CDH2: variants seen among roughly 807,000 people sequenced by gnomAD.
CDH2 encodes the protein cadherin-2.
Under a neutral mutation model 92.0 loss-of-function variants are expected in CDH2, and 17 were observed. The ratio of observed to expected loss-of-function variants is 0.18; its 90% CI spans 0.13 to 0.28. The LOEUF (loss-of-function observed/expected upper bound fraction) is 0.28. CDH2 is among the 10% of genes least tolerant of loss of function. The pLI is 1.00. For synonymous variants in CDH2, 419 were observed against 415.9 expected, an observed-to-expected ratio of 1.01 and a Z score of -0.09; for missense variants, 862 against 1,133.1, an observed-to-expected ratio of 0.76 and a Z score of 3.44.
At chr18:28,106,918 C>T (rs189511624) in intron 2 of CDH2, among the ~76,000 whole-genome samples, 2 of 152,148 alleles carry the variant, frequency 1.3e-5, no homozygotes, top group Admixed American at 1.3e-4. Flanking sequence ...AAATTATATA[C>T]AAAGGGACAA....
chr18:28,083,083 A>C (rs146897718), intron 2 of CDH2, among the ~76,000 whole-genome samples: 1 of 152,306 alleles, frequency 6.6e-6, no homozygotes, highest in Non-Finnish European at 1.5e-5. Flanking sequence ...GACTTGGTAA[A>C]ACATGCTTGT....
intron 1 of CDH2, among the ~76,000 whole-genome samples, chr18:28,152,027 A>C (rs565610931): frequency 6.6e-6 from 1 of 152,330 alleles, no homozygotes; most frequent in Admixed American, 6.5e-5. Flanking sequence ...CTTGCTTAAA[A>C]GCATTTGAAA....
intron 2 of CDH2, among the ~76,000 whole-genome samples, chr18:28,025,022 T>C (rs2144067493): frequency 6.6e-6 from 1 of 152,256 alleles, no homozygotes; most frequent in African/African-American, 2.4e-5. Context: ...AAACAAATAC[T>C]TGCATAAAAT....
chr18:28,159,951 C>G (rs1041677383), intron 1 of CDH2, among the ~76,000 whole-genome samples: 5 of 152,212 alleles, frequency 3.3e-5, no homozygotes, highest in Non-Finnish European at 7.3e-5. Context: ...GCCACCACGC[C>G]TGGCCCCCGG....
chr18:28,155,744 C>A (rs1022668161), intron 1 of CDH2, among the ~76,000 whole-genome samples: 2 of 152,178 alleles, frequency 1.3e-5, no homozygotes, highest in African/African-American at 4.8e-5. Flanking sequence ...GAACATTCAG[C>A]ACGACTAATT....
chr18:27,959,144 T>C lies in CDH2; in HGVS notation c.2514+4213A>G, dbSNP rs1192349818. 2.0e-5 allele frequency among the ~76,000 whole-genome samples: 3 copies of C among 152,222 alleles called. No homozygotes were observed. In the East Asian group the frequency reaches 5.8e-4, roughly 29 times the overall value. On this transcript the variant is annotated intron_variant, in intron 15 of 15. Coordinates refer to ENST00000269141, the MANE Select transcript of CDH2 (RefSeq NM_001792.5). ...GTATATTAATATCTAACTGTTGGGC[T>C]GAGATTAAATGAATTTGTTTGAACT...
chr18:27,987,821 C>T (rs972468068), intron 11 of CDH2, among the ~76,000 whole-genome samples: 4 of 152,090 alleles, frequency 2.6e-5, no homozygotes, highest in African/African-American at 7.2e-5. Context: ...ATGGCAATCC[C>T]ACAGATTCAA....
downstream of CDH2, among the ~76,000 whole-genome samples, chr18:27,950,382 T>C (rs773513777): frequency 2.6e-5 from 4 of 152,148 alleles, no homozygotes; most frequent in Non-Finnish European, 5.9e-5. Flanking sequence ...ATAAACAATT[T>C]TACAAAATTT....
rs146044472 is a variant in CDH2, at chr18:28,089,758, C to T, written c.172+57915G>A. Among the ~76,000 whole-genome samples, 208 of 152,272 alleles carry T rather than the reference C, an allele frequency of 1.4e-3. 2 individuals are homozygous for T. The highest frequency in any genetic ancestry group is 4.7e-3 in the African/African-American group (196 of 41,556). The stretch of plus-strand genomic sequence containing the variant: ...GTTAGCCAAATTCATAATTAGTACT[C>T]TTTACCAGGTCTTATTCCAAGAGAT... On this transcript the variant is annotated intron_variant, in intron 2 of 15. Coordinates refer to ENST00000269141, the MANE Select transcript of CDH2 (RefSeq NM_001792.5).
At chr18:27,985,377 C>T in intron 12 of CDH2, 144 bp from the exon 13 acceptor site, 2 of 777,254 alleles carry the variant, frequency 2.6e-6, no homozygotes, top group Admixed American at 2.9e-5. Flanking sequence ...ACTTTTTTGG[C>T]CGTAAAGGCC....
chr18:28,175,583 G>A (rs1231828444), intron 1 of CDH2, among the ~76,000 whole-genome samples: 1 of 152,172 alleles, frequency 6.6e-6, no homozygotes, highest in Non-Finnish European at 1.5e-5. Context: ...AGACTGCGGA[G>A]GCCAGCCCCG....
At chr18:28,135,724 G>A (rs558113957) in intron 2 of CDH2, among the ~76,000 whole-genome samples, 1 of 152,264 alleles carries the variant, frequency 6.6e-6, no homozygotes, top group East Asian at 1.9e-4. Flanking sequence ...TGCATAAGGT[G>A]AAAATCTGAA....
chr18:28,133,838 C>T lies in CDH2; in HGVS notation c.172+13835G>A, dbSNP rs528527256. On this transcript the variant is annotated intron_variant, in intron 2 of 15. Transcript: ENST00000269141. ...CCGTGATGCTGCTTCATGATGGCTACATTTGTCTTCTATCACCATGCATAG... is the reference window on the plus strand; with the variant it reads ...CCGTGATGCTGCTTCATGATGGCTATATTTGTCTTCTATCACCATGCATAG... Among the ~76,000 whole-genome samples, 14 of 152,080 alleles carry T rather than the reference C, an allele frequency of 9.2e-5. 1 individual carries two copies. The highest frequency in any genetic ancestry group is 2.9e-4 in the African/African-American group (12 of 41,492).
chr18:28,151,286 GCAGA>G (rs1360294417), intron 1 of CDH2, among the ~76,000 whole-genome samples: 1 of 152,342 alleles, frequency 6.6e-6, no homozygotes, highest in South Asian at 2.1e-4. Context: ...CTATCAATGT[GCAGA>G]CACATTTTTA....
At chr18:28,026,269 C>T (rs2144071096) in intron 2 of CDH2, among the ~76,000 whole-genome samples, 1 of 152,240 alleles carries the variant, frequency 6.6e-6, no homozygotes, top group Non-Finnish European at 1.5e-5. Context: ...TCAAATGAGA[C>T]CACTGAAGTT....
chr18:28,005,961 A>G lies in CDH2; in HGVS notation c.735T>C (p.Asn245=). ...LRAHAVDING[N]QVENPIDIVI... is the part of the protein sequence containing the mutation. ...CAATGTCAATGGGGTTCTCCACTTG[A>G]TTTCCATTAATATCTACTGCATGTG... The change falls in exon 6 of 16, where the codon AAT becomes AAC. Residue 245 remains asparagine (N), a synonymous_variant. Coordinates refer to ENST00000269141, the MANE Select transcript of CDH2 (RefSeq NM_001792.5). 6.2e-7 allele frequency: 1 copy of G among 1,612,978 alleles called. No individual in the cohort carries two copies. Among genetic ancestry groups the G allele is most frequent in the Non-Finnish European group, 8.5e-7 (1 of 1,179,084 alleles).
At chr18:28,086,147 A>G (rs919115528) in intron 2 of CDH2, among the ~76,000 whole-genome samples, 10 of 152,156 alleles carry the variant, frequency 6.6e-5, no homozygotes, top group African/African-American at 2.2e-4. Flanking sequence ...CTCTGGAACA[A>G]CCTAGTTTGC....
intron 1 of CDH2, among the ~76,000 whole-genome samples, chr18:28,163,935 G>T (rs1357726039): frequency 6.6e-6 from 1 of 152,100 alleles, no homozygotes; most frequent in African/African-American, 2.4e-5. Context: ...TGGAGAGAGG[G>T]GAATGGATGC....
chr18:28,018,624 T>C (rs2013320030), intron 2 of CDH2, among the ~76,000 whole-genome samples: 1 of 151,762 alleles, frequency 6.6e-6, no homozygotes, highest in Admixed American at 6.6e-5. Flanking sequence ...AACCACAATG[T>C]AATACCACCT....
Sources: gnomAD v4.1 joint callset for allele counts (sites outside exome capture counted in the v4.1 genomes callset) on GRCh38, gnomAD v4.1.1 for gene constraint, MANE v1.5 for transcripts, NCBI Gene and HGNC (gene_info 2026-07-23, HGNC 2026-07-21) for gene names.